The following VASN variants were observed in gnomAD, a reference collection of about 807,000 sequenced individuals.
The protein encoded by VASN is vasorin, also known as protein slit-like 2.
VASN carries 5 observed loss-of-function variants against 4.8 expected under a neutral mutation model. That is an observed-to-expected ratio of 1.03 (90% CI 0.54 to 2.17). The LOEUF is 2.17. Among genes scored for constraint, VASN ranks in the 30% most tolerant of loss-of-function variants. VASN has a pLI of 0.01. For missense variants in VASN, 927 were observed against 948.8 expected (o/e 0.98, Z 0.30); for synonymous variants, 499 against 460.8 (o/e 1.08, Z -1.06).
At chr16:4,376,679 C>T (rs896265818) in intron 1 of VASN, among the ~76,000 whole-genome samples, 1 of 152,136 alleles carries the variant, frequency 6.6e-6, no homozygotes, top group Non-Finnish European at 1.5e-5. Flanking sequence ...GGTGGGTGGG[C>T]GTCCCCCTGG....
At chr16:4,374,918 C>A (rs1157893649) in intron 1 of VASN, among the ~76,000 whole-genome samples, 1 of 152,068 alleles carries the variant, frequency 6.6e-6, no homozygotes, top group East Asian at 1.9e-4. Context: ...TAGGGCCTTA[C>A]TAGATGGGTG....
Position 4,381,450 on chromosome 16 carries a change from T to C in VASN, c.573T>C (p.Thr191=). ...LLALEPGILD[T]ANVEALRLAG... Reference sequence around the variant, plus strand: ...CCCTGGAGCCCGGCATCCTGGACACTGCCAACGTGGAGGCGCTGCGGCTGG... The same window carrying C: ...CCCTGGAGCCCGGCATCCTGGACACCGCCAACGTGGAGGCGCTGCGGCTGG... The change falls in exon 2 of 2, where the codon ACT becomes ACC. Residue 191 remains threonine, a synonymous_variant. Transcript: ENST00000304735. The C allele has an allele frequency of 6.3e-7, 1 of 1,580,634 alleles. No individual in the cohort carries two copies. Among genetic ancestry groups the C allele is most frequent in the Non-Finnish European group, 8.6e-7 (1 of 1,165,030 alleles).
chr16:4,379,122 C>T (rs933814183), intron 1 of VASN, among the ~76,000 whole-genome samples: 2 of 151,960 alleles, frequency 1.3e-5, no homozygotes, highest in African/African-American at 4.8e-5. Context: ...GGACGGGTCC[C>T]CCCAGCCTGG....
At chr16:4,375,734 T>C (rs2054698638) in intron 1 of VASN, among the ~76,000 whole-genome samples, 1 of 152,222 alleles carries the variant, frequency 6.6e-6, no homozygotes, top group Non-Finnish European at 1.5e-5. Context: ...GTGATCGTCC[T>C]ACCTCGGCCT....
rs753171464 is a variant in VASN, at chr16:4,381,019, C to G, written c.142C>G (p.Arg48Gly). Residue 48 changes from arginine to glycine, a missense_variant, in exon 2 of 2, where the codon CGA becomes GGA. Transcript: ENST00000304735. Reference sequence around the variant, plus strand: ...TGCCCGCCAGGGGACCACGGTGCCCCGAGACGTGCCACCCGACACGGTGGG... The same window carrying G: ...TGCCCGCCAGGGGACCACGGTGCCCGGAGACGTGCCACCCGACACGGTGGG... ...CTARQGTTVP[R>G]DVPPDTVGLY... is the part of the protein sequence containing the mutation. 4 of 1,609,554 alleles carry G rather than the reference C, an allele frequency of 2.5e-6. No homozygotes were observed. Among genetic ancestry groups the G allele is most frequent in the Non-Finnish European group, 3.4e-6 (4 of 1,178,860 alleles).
intron 1 of VASN, among the ~76,000 whole-genome samples, chr16:4,380,463 A>G (rs2054917340): frequency 6.6e-6 from 1 of 152,224 alleles, no homozygotes; most frequent in Non-Finnish European, 1.5e-5. Flanking sequence ...ACACCCACCC[A>G]GCTGCCTGCC....
chr16:4,382,104 C>T lies in VASN; in HGVS notation c.1227C>T (p.Cys409=), dbSNP rs1176957514. The T allele has an allele frequency of 6.3e-7, 1 of 1,584,592 alleles. No homozygotes were observed. The highest frequency in any genetic ancestry group is 8.6e-7 in the Non-Finnish European group (1 of 1,166,554). Residue 409 remains cysteine, a synonymous_variant, in exon 2 of 2, where the codon TGC becomes TGT. Coordinates refer to ENST00000304735, the MANE Select transcript of VASN (RefSeq NM_138440.3). ...TVGPVPQPQD[C]PPSTCLNGGT... ...GGCCTGTCCCCCAGCCCCAGGACTG[C>T]CCACCGTCCACCTGCCTCAATGGGG...
At chr16:4,380,277 A>G (rs1315589292) in intron 1 of VASN, among the ~76,000 whole-genome samples, 1 of 151,988 alleles carries the variant, frequency 6.6e-6, no homozygotes, top group African/African-American at 2.4e-5. Flanking sequence ...CCCGCCGGCC[A>G]CTTCCTGGCG....
At position 4,382,238 on chromosome 16, in the gene VASN, C is replaced by A. The variant is rs754717382; in HGVS notation, c.1361C>A (p.Thr454Lys). The A allele has an allele frequency of 1.9e-6, 3 of 1,607,068 alleles. No individual in the cohort carries two copies. Among genetic ancestry groups the A allele is most frequent in the Non-Finnish European group, 2.5e-6 (3 of 1,178,284 alleles). ...GGGCAGGGGACACGGCCCAGCCCTA[C>A]ACCAGTCACGCCGAGGCCACCACGG... Reference protein sequence around the residue: ...QMGQGTRPSPTPVTPRPPRSL... With the variant: ...QMGQGTRPSPKPVTPRPPRSL... The change falls in exon 2 of 2, where the codon ACA becomes AAA. Residue 454 changes from threonine to lysine, a missense_variant. By Grantham distance (78) the Thr-to-Lys change is moderately conservative (BLOSUM62 -1). Transcript: ENST00000304735.
In VASN at chr16:4,383,468, TG is replaced by T. The variant is rs200210521; in HGVS notation, c.*570del. 1,623 of 167,252 alleles carry T rather than the reference TG, an allele frequency of 9.7e-3. 13 individuals are homozygous for T. Among genetic ancestry groups the T allele is most frequent in the Middle Eastern group, 0.037 (11 of 296 alleles). The allele number at this position is 167,252 out of a possible 1,614,324, so 10.4% of individuals were successfully genotyped here. The stretch of plus-strand genomic sequence containing the variant: ...ACTCAGAGACAAGGACTTTGGTTTT[TG>T]TAAGACAAACGATGATATGAAGGCC... On this transcript the variant is annotated 3_prime_UTR_variant, in exon 2 of 2. Coordinates refer to ENST00000304735, the MANE Select transcript of VASN (RefSeq NM_138440.3).
intron 1 of VASN, among the ~76,000 whole-genome samples, chr16:4,378,494 T>C (rs74003288): frequency 0.015 from 2,327 of 152,190 alleles, 53 homozygotes; most frequent in African/African-American, 0.053. Context: ...TGGGGGTCAC[T>C]CACAGCCCAC....
intron 1 of VASN, among the ~76,000 whole-genome samples, chr16:4,373,672 C>G (rs535527875): frequency 6.6e-6 from 1 of 152,252 alleles, no homozygotes; most frequent in Middle Eastern, 3.4e-3. Context: ...CTGACAGCCC[C>G]GGGGGAGCTG....
chr16:4,377,670 T>C (rs959196873), intron 1 of VASN, among the ~76,000 whole-genome samples: 2 of 152,166 alleles, frequency 1.3e-5, no homozygotes, highest in African/African-American at 4.8e-5. Flanking sequence ...GGCTGGCTGA[T>C]GGGTTCTCAG....
chr16:4,376,756 G>A (rs1345363496), intron 1 of VASN, among the ~76,000 whole-genome samples: 1 of 152,174 alleles, frequency 6.6e-6, no homozygotes, highest in African/African-American at 2.4e-5. Context: ...CTGTGCTGAA[G>A]GGGCCGCCAA....
chr16:4,378,520 C>T (rs952122045), intron 1 of VASN, among the ~76,000 whole-genome samples: 9 of 152,138 alleles, frequency 5.9e-5, no homozygotes, highest in African/African-American at 1.4e-4. Flanking sequence ...GAGGCCAGGC[C>T]GCACCCGCCG....
Position 4,372,517 on chromosome 16 carries a change from A to G in VASN, c.-10+524A>G, listed in dbSNP as rs555689311. Among the ~76,000 whole-genome samples the G allele has an allele frequency of 7.9e-5, 12 of 152,234 alleles. No homozygotes were observed. The East Asian group carries it at 2.1e-3, about 27-fold the overall frequency. On this transcript the variant is annotated intron_variant, in intron 1 of 1. Transcript: ENST00000304735. The stretch of plus-strand genomic sequence containing the variant: ...AGTGGCTGGTGGGCGTCCGATGCCC[A>G]TCCCTCCAGGTGGGGGATGGACCTG...
rs757867129 is a variant in VASN, at chr16:4,381,032, C to G, written c.155C>G (p.Pro52Arg). 6.2e-7 allele frequency: 1 copy of G among 1,610,432 alleles called. No individual in the cohort carries two copies. Among genetic ancestry groups the G allele is most frequent in the Non-Finnish European group, 8.5e-7 (1 of 1,179,112 alleles). Residue 52 changes from proline (P) to arginine (R), a missense_variant, in exon 2 of 2, where the codon CCC (proline) becomes CGC (arginine). Physicochemically the swap from Pro to Arg is moderately radical, Grantham distance 103. Transcript: ENST00000304735. ...ACCACGGTGCCCCGAGACGTGCCAC[C>G]CGACACGGTGGGGCTGTACGTCTTT... is the stretch of plus-strand genomic sequence containing the variant. ...QGTTVPRDVP[P>R]DTVGLYVFEN...
Position 4,382,355 on chromosome 16 carries a change from GCCT to G in VASN, c.1481_1483del (p.Leu494del), listed in dbSNP as rs1451201290. 6.2e-7 allele frequency: 1 copy of G among 1,611,918 alleles called. No individual in the cohort carries two copies. The highest frequency in any genetic ancestry group is 1.3e-5 in the African/African-American group (1 of 74,928). ...CAGGGGAGCTCCGTGCAGCTCAGGA[GCCT>G]CCGTCTCACCTATCGCAACCTATCG... On this transcript the variant is annotated inframe_deletion, in exon 2 of 2. Transcript: ENST00000304735.
In VASN at chr16:4,382,414, C is replaced by G; in HGVS notation, c.1537C>G (p.Leu513Val). ...TGATAAGCGGCTGGTGACGCTGCGACTGCCTGCCTCGCTCGCTGAGTACAC... is the reference window on the plus strand; with the variant it reads ...TGATAAGCGGCTGGTGACGCTGCGAGTGCCTGCCTCGCTCGCTGAGTACAC... The part of the protein sequence containing the change: ...GPDKRLVTLR[L>V]PASLAEYTVT... The change falls in exon 2 of 2, where the codon CTG becomes GTG. Residue 513 changes from leucine to valine, a missense_variant. Physicochemically the swap from Leu to Val is conservative, Grantham distance 32. Coordinates refer to ENST00000304735, the MANE Select transcript of VASN (RefSeq NM_138440.3). The G allele has an allele frequency of 6.2e-7, 1 of 1,611,656 alleles. No homozygotes were observed. The highest frequency in any genetic ancestry group is 1.1e-5 in the South Asian group (1 of 90,900).
Sources: allele counts gnomAD v4.1 joint callset (sites outside exome capture counted in the v4.1 genomes callset), GRCh38; gene constraint gnomAD v4.1.1; transcripts MANE v1.5; gene names NCBI Gene and HGNC (gene_info 2026-07-23, HGNC 2026-07-21).